Variants in MAK observed in about 807,000 individuals in gnomAD.
MAK encodes the protein serine/threonine-protein kinase MAK.
In MAK, 65 loss-of-function variants were observed where a neutral mutation model predicts 82.6. The observed-to-expected ratio is 0.79, with a 90% confidence interval of 0.64 to 0.97. MAK has a LOEUF of 0.97. MAK is among the 50% of genes least tolerant of loss of function. The probability of loss-of-function intolerance (pLI) is 0.00; values close to 1 mark genes in which losing one functional copy is unlikely to be tolerated. For synonymous variants in MAK, 250 were observed against 274.2 expected (o/e 0.91, Z 0.87); for missense variants, 703 against 780.2 (o/e 0.90, Z 1.18).
intron 13 of MAK, among the ~76,000 whole-genome samples, chr6:10,771,802 T>C (rs750933947): frequency 1.3e-5 from 2 of 152,262 alleles, no homozygotes; most frequent in Non-Finnish European, 1.5e-5. Flanking sequence ...TAAGTTCAGC[T>C]GCCTACTTTA....
Position 10,784,574 on chromosome 6 carries a change from T to G in MAK, c.1317-2A>C. 6.2e-7 allele frequency: 1 copy of G among 1,613,740 alleles called. No individual in the cohort carries two copies. The highest frequency in any genetic ancestry group is 2.2e-5 in the East Asian group (1 of 44,868). ...CCTGAGGGTACTGGCTCTGGAAGCCTTGAAAGCCAATGAAAGGTAGCATTA... is the reference window on the plus strand; with the variant it reads ...CCTGAGGGTACTGGCTCTGGAAGCCGTGAAAGCCAATGAAAGGTAGCATTA... On this transcript the variant is annotated splice_acceptor_variant, in intron 10 of 14. Transcript: ENST00000354489. LOFTEE classifies it high-confidence loss of function.
chr6:10,782,202 T>TCACACACACACACA (rs746386493), intron 11 of MAK, among the ~76,000 whole-genome samples: 6 of 146,052 alleles, frequency 4.1e-5, no homozygotes, highest in African/African-American at 1.5e-4. Flanking sequence ...TGAAACTCTG[T>TCACACACACACACA]CACACACACA....
intron 11 of MAK, among the ~76,000 whole-genome samples, chr6:10,778,880 C>G (rs536282589): frequency 6.6e-6 from 1 of 152,142 alleles, no homozygotes; most frequent in Non-Finnish European, 1.5e-5. Flanking sequence ...GTAATCCCAG[C>G]ACTTTGGGAG....
intron 11 of MAK, chr6:10,779,541 A>G (rs1356719298): frequency 1.1e-6 from 1 of 947,002 alleles, no homozygotes; most frequent in African/African-American, 1.8e-5. Flanking sequence ...GAATCCTAAA[A>G]GTCGATGCTT....
intron 10 of MAK, among the ~76,000 whole-genome samples, chr6:10,785,206 C>T (rs761833530): frequency 2.6e-5 from 4 of 152,160 alleles, no homozygotes; most frequent in East Asian, 3.8e-4. Flanking sequence ...TTTCTGTGTA[C>T]GGACTGAGGA....
intron 11 of MAK, among the ~76,000 whole-genome samples, chr6:10,783,474 C>G (rs923662491): frequency 6.6e-6 from 1 of 152,212 alleles, no homozygotes; most frequent in Admixed American, 6.5e-5. Flanking sequence ...CACCACCGTT[C>G]ACCCAGTTCC....
chr6:10,774,967 A>G (rs951709049), intron 12 of MAK, among the ~76,000 whole-genome samples: 36 of 152,194 alleles, frequency 2.4e-4, no homozygotes, highest in Non-Finnish European at 3.1e-4. Context: ...AATTAGTGGG[A>G]AAACCTTTTT....
chr6:10,772,606 G>C (rs770804987), intron 13 of MAK, among the ~76,000 whole-genome samples: 4 of 152,064 alleles, frequency 2.6e-5, no homozygotes, highest in Admixed American at 6.6e-5. Context: ...GCCTCCTGAA[G>C]TGCTGGGATT....
chr6:10,813,128 ATATATAAATTTTT>A (rs1777159341), intron 5 of MAK, among the ~76,000 whole-genome samples: 5 of 684 alleles, frequency 7.3e-3, no homozygotes, highest in African/African-American at 0.015. Flanking sequence ...ATATATATAT[ATATATAAATTTTT>A]TTTTTTTTTT....
chr6:10,772,145 T>C (rs975283740), intron 13 of MAK, among the ~76,000 whole-genome samples: 2 of 152,184 alleles, frequency 1.3e-5, no homozygotes, highest in African/African-American at 2.4e-5. Flanking sequence ...ATGCTTCTTA[T>C]TGGAGAAAGA....
Position 10,775,406 on chromosome 6 carries a change from G to C in MAK, c.1519C>G (p.His507Asp). Reference sequence around the variant, plus strand: ...GGGAATAACTGGTTGCTCCAAGTGTGGGGGTTTATTTCCTTTCCACTGGCT... The same window carrying C: ...GGGAATAACTGGTTGCTCCAAGTGTCGGGGTTTATTTCCTTTCCACTGGCT... ...LIASGKEINP[H>D]TWSNQLFPKS... The change falls in exon 12 of 15, where the codon CAC (histidine) becomes GAC (aspartate). Residue 507 changes from histidine to aspartate, a missense_variant. Physicochemically the swap from His to Asp is moderately conservative, Grantham distance 81 (BLOSUM62 -1). Transcript: ENST00000354489. 6.2e-7 allele frequency: 1 copy of C among 1,613,926 alleles called. No homozygotes were observed. The highest frequency in any genetic ancestry group is 8.5e-7 in the Non-Finnish European group (1 of 1,179,866).
At chr6:10,772,428 C>G (rs1773097257) in intron 13 of MAK, among the ~76,000 whole-genome samples, 1 of 151,878 alleles carries the variant, frequency 6.6e-6, no homozygotes, top group South Asian at 2.1e-4. Flanking sequence ...ACTGCAACCT[C>G]CGCCTCCCGG....
At chr6:10,834,071 A>T (rs972680052) in intron 1 of MAK, among the ~76,000 whole-genome samples, 1 of 152,244 alleles carries the variant, frequency 6.6e-6, no homozygotes, top group Non-Finnish European at 1.5e-5. Flanking sequence ...TAAACAAAAC[A>T]TGGACTAAAA....
intron 2 of MAK, among the ~76,000 whole-genome samples, chr6:10,819,547 ACT>A: frequency 6.6e-6 from 1 of 151,804 alleles, no homozygotes; most frequent in South Asian, 2.1e-4. Context: ...CAGGAGAATC[ACT>A]TGAACCCAGG....
chr6:10,783,403 C>T (rs1315447370), intron 11 of MAK, among the ~76,000 whole-genome samples: 1 of 152,176 alleles, frequency 6.6e-6, no homozygotes, highest in East Asian at 1.9e-4. Flanking sequence ...CCGCACTCAG[C>T]TCTCCATTCT....
At chr6:10,814,739 G>A (rs1420921125) in intron 4 of MAK, among the ~76,000 whole-genome samples, 7 of 151,224 alleles carry the variant, frequency 4.6e-5, no homozygotes, top group Non-Finnish European at 1.5e-5. Context: ...GCATATTGGT[G>A]TTGTCCAGTA....
Position 10,784,563 on chromosome 6 carries a change from C to G in MAK, c.1326G>C (p.Glu442Asp). ...RKKDSPFRLPEPVPSGSNHST... is the reference protein window; with the variant it reads ...RKKDSPFRLPDPVPSGSNHST... The stretch of plus-strand genomic sequence containing the variant: ...AGTGGTTGGAGCCTGAGGGTACTGG[C>G]TCTGGAAGCCTTGAAAGCCAATGAA... Residue 442 changes from glutamate (E) to aspartate (D), a missense_variant, in exon 11 of 15, where the codon GAG becomes GAC. Coordinates refer to ENST00000354489, the MANE Select transcript of MAK (RefSeq NM_001242957.3). 2.5e-6 allele frequency: 4 copies of G among 1,613,982 alleles called. No individual in the cohort carries two copies. The South Asian group carries it at 4.4e-5, about 18-fold the overall frequency.
rs3064109 is a variant in MAK at position 10,815,912 on chromosome 6, GTATATA to G, written c.278+1932_278+1937del. ...TACTGTATTAGTGTAGCTTTATACAGTATATATATATATATATATATATATATATAT... is the reference window on the plus strand; with the variant it reads ...TACTGTATTAGTGTAGCTTTATACAGTATATATATATATATATATATATAT... On this transcript the variant is annotated intron_variant, in intron 4 of 14. Coordinates refer to ENST00000354489, the MANE Select transcript of MAK (RefSeq NM_001242957.3). Among the ~76,000 whole-genome samples, 723 of 108,346 alleles carry G rather than the reference GTATATA, an allele frequency of 6.7e-3. 25 individuals are homozygous for G. Among genetic ancestry groups the G allele is most frequent in the African/African-American group, 0.024 (523 of 21,846 alleles). 71.1% of individuals were successfully genotyped at this position (108,346 alleles called of 152,430 possible). A position where few individuals can be genotyped will look rare whatever the true frequency, so the allele number is the denominator to read the frequency against.
rs747349238 is a variant in MAK at position 10,764,511 on chromosome 6, G to A, written c.1888C>T (p.Pro630Ser). 4 of 1,613,682 alleles carry A rather than the reference G, an allele frequency of 2.5e-6. No individual in the cohort carries two copies. The Admixed American group carries it at 6.7e-5, about 27-fold the overall frequency. The part of the protein sequence containing the change: ...KNLNIVNRAQ[P>S]IPSVHGRTDW... ...GTCCTCCCATGCACTGAGGGAATGGGCTGTGCACGGTTCACAATATTTAGG... is the reference window on the plus strand; with the variant it reads ...GTCCTCCCATGCACTGAGGGAATGGACTGTGCACGGTTCACAATATTTAGG... Residue 630 changes from proline to serine, a missense_variant, in exon 15 of 15, where the codon CCC (proline) becomes TCC (serine). Coordinates refer to ENST00000354489, the MANE Select transcript of MAK (RefSeq NM_001242957.3).
Sources: gnomAD v4.1 joint callset for allele counts (sites outside exome capture counted in the v4.1 genomes callset) on GRCh38, gnomAD v4.1.1 for gene constraint, MANE v1.5 for transcripts, NCBI Gene and HGNC (gene_info 2026-07-23, HGNC 2026-07-21) for gene names.